The following LSM4 variants were observed in gnomAD, a reference collection of about 807,000 sequenced individuals.
The protein encoded by LSM4 is LSM4 homolog, U6 small nuclear RNA and mRNA degradation associated.
In LSM4, 15 loss-of-function variants were observed where a neutral mutation model predicts 22.3. That is an observed-to-expected ratio of 0.67 (90% CI 0.45 to 1.03). The LOEUF is 1.03. LSM4 is among the 50% of genes least tolerant of loss of function. The pLI is 0.00. For synonymous variants in LSM4, 90 were observed against 79.8 expected (o/e 1.13, Z -0.68); for missense variants, 127 against 198.0 (o/e 0.64, Z 2.15).
At chr19:18,315,657 TCA>T (rs1970345861) in intron 2 of LSM4, among the ~76,000 whole-genome samples, 4 of 152,048 alleles carry the variant, frequency 2.6e-5, no homozygotes, top group Admixed American at 2.6e-4. Flanking sequence ...TCCTCTTGCC[TCA>T]GTCTCCTGAG....
chr19:18,309,379 A>C, intron 4 of LSM4: 1 of 415,010 alleles, frequency 2.4e-6, no homozygotes, highest in Non-Finnish European at 4.3e-6. Flanking sequence ...TTCCAAGTGG[A>C]GTTGCCAGCG....
intron 2 of LSM4, 97 bp from the exon 3 acceptor site, chr19:18,312,799 C>G (rs1273802161): frequency 1.1e-6 from 1 of 898,144 alleles, no homozygotes; most frequent in Non-Finnish European, 1.8e-6. Context: ...GGACCACCAC[C>G]TCCGGGCCTC....
chr19:18,309,720 G>C lies in LSM4; in HGVS notation c.286C>G (p.Gln96Glu). 1 of 1,611,658 alleles carries C rather than the reference G, an allele frequency of 6.2e-7. No individual in the cohort carries two copies. Among genetic ancestry groups the C allele is most frequent in the Non-Finnish European group, 8.5e-7 (1 of 1,179,176 alleles). ...ATGCCGCGGCCTTTCTGCTGCTTCT[G>C]CTGCTGCAGGCCTCCGCGGCCGCGG... is the stretch of plus-strand genomic sequence containing the variant. ...KGRGRGGLQQ[Q>E]KQQKGRGMGG... The change falls in exon 4 of 5, where the codon CAG (glutamine) becomes GAG (glutamate). Residue 96 changes from glutamine (Q) to glutamate (E), a missense_variant. Physicochemically the swap from Gln to Glu is conservative, Grantham distance 29. Coordinates refer to ENST00000593829, the MANE Select transcript of LSM4 (RefSeq NM_012321.5).
intron 1 of LSM4, among the ~76,000 whole-genome samples, chr19:18,321,116 G>C (rs1022331980): frequency 2.0e-5 from 3 of 152,234 alleles, no homozygotes; most frequent in Non-Finnish European, 4.4e-5. Context: ...ACTCCTCCAG[G>C]AAACAGCTGG....
intron 3 of LSM4, chr19:18,312,210 G>A (rs772984119): frequency 8.7e-5 from 14 of 161,512 alleles, no homozygotes; most frequent in Non-Finnish European, 1.1e-4. Context: ...TGGGCATCCC[G>A]GACATCCCAG....
At position 18,323,051 on chromosome 19, in the gene LSM4, C is replaced by T. The variant is rs1188604540; in HGVS notation, c.-31G>A. 1.3e-6 allele frequency: 2 copies of T among 1,525,848 alleles called. No individual in the cohort carries two copies. The highest frequency in any genetic ancestry group is 2.9e-5 in the African/African-American group (2 of 69,248). The allele number at this position is 1,525,848 out of a possible 1,614,324, so 94.5% of individuals were successfully genotyped here. ...CGGCGGGGACCGGGCTCGCCGGCCACTTCCGCCGCCGCCGCTGCACACGCT... is the reference window on the plus strand; with the variant it reads ...CGGCGGGGACCGGGCTCGCCGGCCATTTCCGCCGCCGCCGCTGCACACGCT... On this transcript the variant is annotated 5_prime_UTR_variant, in exon 1 of 5. It adds an upstream start codon to the 5' untranslated region. Transcript: ENST00000593829.
chr19:18,317,500 T>C (rs960246513), intron 1 of LSM4, among the ~76,000 whole-genome samples: 1 of 149,098 alleles, frequency 6.7e-6, no homozygotes, highest in Non-Finnish European at 1.5e-5. Flanking sequence ...GCCCGGCTAA[T>C]TTTTTTTTAT....
At chr19:18,316,843 G>T (rs1387377716) in intron 1 of LSM4, among the ~76,000 whole-genome samples, 3 of 152,186 alleles carry the variant, frequency 2.0e-5, no homozygotes, top group Non-Finnish European at 4.4e-5. Context: ...TTGCAGGGCA[G>T]CCCCAACTGG....
intron 3 of LSM4, chr19:18,310,246 C>T (rs1970284224): frequency 4.1e-6 from 1 of 246,826 alleles, no homozygotes; most frequent in African/African-American, 2.3e-5. Flanking sequence ...GGGTGGGGGC[C>T]TCCCTGTGCA....
In LSM4 at chr19:18,323,022, G is replaced by A. The variant is rs749596641; in HGVS notation, c.-2C>T. On this transcript the variant is annotated 5_prime_UTR_variant, in exon 1 of 5. Transcript: ENST00000593829. ...CCGCAGTTGCCCTGCCCTCACCATG[G>A]TGCCGGCGGGGACCGGGCTCGCCGG... 8.9e-6 allele frequency: 14 copies of A among 1,566,380 alleles called. No homozygotes were observed. Among genetic ancestry groups the A allele is most frequent in the Middle Eastern group, 4.0e-4 (2 of 4,960 alleles).
chr19:18,317,738 C>T (rs1970374233), intron 1 of LSM4, among the ~76,000 whole-genome samples: 1 of 151,838 alleles, frequency 6.6e-6, no homozygotes, highest in African/African-American at 2.4e-5. Flanking sequence ...ACTATATTGC[C>T]CAAGCTGGTT....
At position 18,309,903 on chromosome 19, in the gene LSM4, G is replaced by C. The variant is rs375086165; in HGVS notation, c.145-42C>G. 86 of 1,591,558 alleles carry C rather than the reference G, an allele frequency of 5.4e-5. 1 individual carries two copies. The Admixed American group carries it at 1.5e-3, about 28-fold the overall frequency. On this transcript the variant is annotated intron_variant, in intron 3 of 4. Transcript: ENST00000593829. The stretch of plus-strand genomic sequence containing the variant: ...CAGGTTATTAACTTACCACCGGGCC[G>C]TCTGGCCCAGCCCTGGGAGCGCGGG...
chr19:18,319,178 G>T (rs1157128675), intron 1 of LSM4, among the ~76,000 whole-genome samples: 1 of 151,958 alleles, frequency 6.6e-6, no homozygotes, highest in Non-Finnish European at 1.5e-5. Flanking sequence ...GGAGGCAGAG[G>T]TTGCAGTGAG....
At chr19:18,316,286 C>T (rs1970356003) in intron 1 of LSM4, 1 of 473,222 alleles carries the variant, frequency 2.1e-6, no homozygotes. Context: ...CACACCCTCC[C>T]TACTCCCGTA....
At chr19:18,311,271 G>GC (rs1970294763) in intron 3 of LSM4, among the ~76,000 whole-genome samples, 1 of 152,142 alleles carries the variant, frequency 6.6e-6, no homozygotes, top group Non-Finnish European at 1.5e-5. Context: ...AGGTCTCTCA[G>GC]CCCGGGGTCT....
chr19:18,309,885 T>C, intron 3 of LSM4, 24 bp from the exon 4 acceptor site: 1 of 1,609,956 alleles, frequency 6.2e-7, no homozygotes, highest in Non-Finnish European at 8.5e-7. Context: ...GAGCAGGTTA[T>C]TAACTTACCA....
At chr19:18,308,658 G>C (rs1392742256) in intron 4 of LSM4, among the ~76,000 whole-genome samples, 1 of 152,180 alleles carries the variant, frequency 6.6e-6, no homozygotes, top group South Asian at 2.1e-4. Context: ...CTGGAATCAC[G>C]GTCTACTCTG....
intron 3 of LSM4, among the ~76,000 whole-genome samples, chr19:18,311,335 G>A (rs1057300003): frequency 6.6e-6 from 1 of 152,132 alleles, no homozygotes; most frequent in African/African-American, 2.4e-5. Flanking sequence ...AGATGGGGAC[G>A]ATGTGAGTTC....
chr19:18,307,570 G>T lies in LSM4; in HGVS notation c.329-15C>A. Reference sequence around the variant, plus strand: ...ACCAAACACACCTAGAGGACAGAGAGAGGGCGCTGCAGCAGAGCCAGGTGG... The same window carrying T: ...ACCAAACACACCTAGAGGACAGAGATAGGGCGCTGCAGCAGAGCCAGGTGG... On this transcript the variant is annotated splice_polypyrimidine_tract_variant and intron_variant, in intron 4 of 4. Transcript: ENST00000593829. 1 of 1,492,802 alleles carries T rather than the reference G, an allele frequency of 6.7e-7. No individual in the cohort carries two copies. The highest frequency in any genetic ancestry group is 9.0e-7 in the Non-Finnish European group (1 of 1,115,662). The allele number at this position is 1,492,802 out of a possible 1,614,324, so 92.5% of individuals were successfully genotyped here. A position where few individuals can be genotyped will look rare whatever the true frequency, so the allele number is the denominator to read the frequency against.
Sources: gnomAD v4.1 joint callset for allele counts (sites outside exome capture counted in the v4.1 genomes callset) on GRCh38, gnomAD v4.1.1 for gene constraint, MANE v1.5 for transcripts, NCBI Gene and HGNC (gene_info 2026-07-23, HGNC 2026-07-21) for gene names.